Variants in LRG1 observed in about 807,000 individuals in gnomAD.
LRG1 encodes leucine rich alpha-2-glycoprotein 1.
In LRG1, 1 loss-of-function variant was observed where a neutral mutation model predicts 2.4. That is an observed-to-expected ratio of 0.41 (90% CI 0.15 to 1.95). LRG1 has a LOEUF of 1.95. Among genes scored for constraint, LRG1 ranks in the 30% most tolerant of loss-of-function variants. The probability of loss-of-function intolerance (pLI) is 0.30; values close to 1 mark genes in which losing one functional copy is unlikely to be tolerated. For synonymous variants in LRG1, 226 were observed against 210.6 expected, an observed-to-expected ratio of 1.07 and a Z score of -0.63; for missense variants, 425 against 436.9, an observed-to-expected ratio of 0.97 and a Z score of 0.24.
intron 1 of LRG1, 90 bp from the exon 2 acceptor site, chr19:4,539,041 C>T: frequency 7.7e-7 from 1 of 1,292,300 alleles, no homozygotes; most frequent in African/African-American, 1.5e-5. Flanking sequence ...CCCACTTCTT[C>T]CCATCTCTGC....
At chr19:4,539,878 C>T in intron 1 of LRG1, 104 bp downstream of exon 1, 3 of 1,338,904 alleles carry the variant, frequency 2.2e-6, no homozygotes, top group Non-Finnish European at 3.2e-6. Flanking sequence ...AGCCACCAGG[C>T]CTGTATCTGC....
In LRG1 at chr19:4,538,446, G is replaced by A. The variant is rs754014243; in HGVS notation, c.538C>T (p.Pro180Ser). 3.7e-6 allele frequency: 6 copies of A among 1,614,080 alleles called. No homozygotes were observed. The highest frequency in any genetic ancestry group is 2.2e-5 in the East Asian group (1 of 44,872). The part of the protein sequence containing the change: ...DLSGNRLRKL[P>S]PGLLANFTLL... ...GTGAAGTTGGCCAGCAGCCCGGGGG[G>A]CAGTTTCCGGAGGCGGTTCCCAGAC... Residue 180 changes from proline to serine, a missense_variant, in exon 2 of 2, where the codon CCC becomes TCC. Coordinates refer to ENST00000306390, the MANE Select transcript of LRG1 (RefSeq NM_052972.3).
rs776752960 is a variant in LRG1, at chr19:4,538,605, C to T, written c.379G>A (p.Ala127Thr). 29 of 1,612,844 alleles carry T rather than the reference C, an allele frequency of 1.8e-5. No individual in the cohort carries two copies. The highest frequency in any genetic ancestry group is 3.3e-5 in the Admixed American group (2 of 59,994). ...AGGCCCGGGGGCAGCCCGGTCAGGGCGTTTCGGGTTAGATCCAGCACCCTC... is the reference window on the plus strand; with the variant it reads ...AGGCCCGGGGGCAGCCCGGTCAGGGTGTTTCGGGTTAGATCCAGCACCCTC... ...QLRVLDLTRN[A>T]LTGLPPGLFQ... The change falls in exon 2 of 2, where the codon GCC (alanine) becomes ACC (threonine). Residue 127 changes from alanine to threonine, a missense_variant. Transcript: ENST00000306390.
rs1976961764 is a variant in LRG1 at position 4,537,815 on chromosome 19, C to T, written c.*125G>A. 1 of 1,086,944 alleles carries T rather than the reference C, an allele frequency of 9.2e-7. No individual in the cohort carries two copies. The highest frequency in any genetic ancestry group is 2.8e-5 in the Admixed American group (1 of 35,802). 67.3% of individuals were successfully genotyped at this position (1,086,944 alleles called of 1,614,324 possible). ...ATCTCCTGACCTCGTGATCCGCCCACCTGGGCCTCCCAAAGTGCTGGGATT... is the reference window on the plus strand; with the variant it reads ...ATCTCCTGACCTCGTGATCCGCCCATCTGGGCCTCCCAAAGTGCTGGGATT... On this transcript the variant is annotated 3_prime_UTR_variant, in exon 2 of 2. Coordinates refer to ENST00000306390, the MANE Select transcript of LRG1 (RefSeq NM_052972.3).
chr19:4,537,530 C>T lies in LRG1; in HGVS notation c.*410G>A, dbSNP rs1976958348. ...GGGTCCCAGCCGCTATGGACAGCCCCGAGTTTCACCTGTAAAAGGCAGGAT... is the reference window on the plus strand; with the variant it reads ...GGGTCCCAGCCGCTATGGACAGCCCTGAGTTTCACCTGTAAAAGGCAGGAT... On this transcript the variant is annotated 3_prime_UTR_variant, in exon 2 of 2. Coordinates refer to ENST00000306390, the MANE Select transcript of LRG1 (RefSeq NM_052972.3). The T allele has an allele frequency of 5.6e-6, 1 of 178,986 alleles. No individual in the cohort carries two copies. Among genetic ancestry groups the T allele is most frequent in the Non-Finnish European group, 1.2e-5 (1 of 83,190 alleles). 11.1% of individuals were successfully genotyped at this position (178,986 alleles called of 1,614,324 possible).
intron 1 of LRG1, 85 bp from the exon 2 acceptor site, chr19:4,539,036 T>C: frequency 7.5e-7 from 1 of 1,328,300 alleles, no homozygotes. Flanking sequence ...ATCCGCCCAC[T>C]TCTTCCCATC....
rs1437118013 is a variant in LRG1 at position 4,538,719 on chromosome 19, G to A, written c.265C>T (p.Gln89Ter). ...NLTHLPANLL[Q>*]GASKLQELHL... Reference sequence around the variant, plus strand: ...AATTCTTGGAGCTTAGAGGCGCCCTGGAGGAGGTTGGCTGGCAGGTGGGTC... The same window carrying A: ...AATTCTTGGAGCTTAGAGGCGCCCTAGAGGAGGTTGGCTGGCAGGTGGGTC... The change falls in exon 2 of 2, where the codon CAG becomes TAG. Residue 89 changes from glutamine to a stop codon, truncating the protein, a stop_gained. Transcript: ENST00000306390. LOFTEE classifies it low-confidence loss of function (END_TRUNC). 6.2e-7 allele frequency: 1 copy of A among 1,604,498 alleles called. No individual in the cohort carries two copies. The highest frequency in any genetic ancestry group is 1.3e-5 in the African/African-American group (1 of 74,780).
intron 1 of LRG1, 136 bp from the exon 2 acceptor site, chr19:4,539,087 C>A: frequency 1.2e-6 from 1 of 805,182 alleles, no homozygotes; most frequent in Non-Finnish European, 1.8e-6. Flanking sequence ...TCATCTCTCA[C>A]CTGTACTAGG....
In LRG1 at chr19:4,538,864, G is replaced by C. The variant is rs943846037; in HGVS notation, c.120C>G (p.Pro40=). 4 of 1,548,358 alleles carry C rather than the reference G, an allele frequency of 2.6e-6. No homozygotes were observed. The African/African-American group carries it at 5.5e-5, about 21-fold the overall frequency. ...CTGAGCGGAACACCTGGCAGTCTTT[G>C]GGGCTCAGGGTGACCCCCCAGGCTG... ...AASAWGVTLS[P]KDCQVFRSDH... The change falls in exon 2 of 2, where the codon CCC becomes CCG. Residue 40 remains proline, a synonymous_variant. Coordinates refer to ENST00000306390, the MANE Select transcript of LRG1 (RefSeq NM_052972.3).
chr19:4,539,984 T>A lies in LRG1; in HGVS notation c.30A>T (p.Lys10Asn). 1 of 1,614,176 alleles carries A rather than the reference T, an allele frequency of 6.2e-7. No individual in the cohort carries two copies. The highest frequency in any genetic ancestry group is 8.5e-7 in the Non-Finnish European group (1 of 1,180,006). The change falls in exon 1 of 2, where the codon AAA becomes AAT. Residue 10 changes from lysine to asparagine, a missense_variant and splice_region_variant. Physicochemically the swap from Lys to Asn is moderately conservative, Grantham distance 94. Transcript: ENST00000306390. ...GGACAGGTAGTGTGGGGACCTACCT[T>A]TTTGGTCGCTGTCTGCTCCAAGAGG... MSSWSRQRP[K>N]SPGGIQPHVS...
At position 4,538,251 on chromosome 19, in the gene LRG1, C is replaced by G. The variant is rs760661098; in HGVS notation, c.733G>C (p.Gly245Arg). The G allele has an allele frequency of 2.0e-5, 32 of 1,613,968 alleles. No homozygotes were observed. Among genetic ancestry groups the G allele is most frequent in the Middle Eastern group, 1.6e-4 (1 of 6,082 alleles). ...GCTGCCACCCTGGCCAGCTTGTTGC[C>G]GTTCAGGAAGAGGTAGCGCAGGTCC... ...QPDLRYLFLN[G>R]NKLARVAAGA... The change falls in exon 2 of 2, where the codon GGC becomes CGC. Residue 245 changes from glycine (G) to arginine (R), a missense_variant. Gly to Arg is a moderately radical substitution (Grantham distance 125). Coordinates refer to ENST00000306390, the MANE Select transcript of LRG1 (RefSeq NM_052972.3).
Position 4,540,023 on chromosome 19 carries a change from G to A in LRG1, c.-10C>T, listed in dbSNP as rs922834973. On this transcript the variant is annotated 5_prime_UTR_variant, in exon 1 of 2. Transcript: ENST00000306390. ...TGCTCCAAGAGGACATGGTAGCTCT[G>A]CTCTTTTGCTTCTGGGTTGTCCTGG... 6 of 1,614,070 alleles carry A rather than the reference G, an allele frequency of 3.7e-6. No homozygotes were observed. Among genetic ancestry groups the A allele is most frequent in the Non-Finnish European group, 5.1e-6 (6 of 1,179,994 alleles).
chr19:4,539,466 G>A (rs1282588801), intron 1 of LRG1, among the ~76,000 whole-genome samples: 1 of 152,228 alleles, frequency 6.6e-6, no homozygotes, highest in Non-Finnish European at 1.5e-5. Flanking sequence ...TTGGGTGCTT[G>A]GAGGAAGACA....
At position 4,538,412 on chromosome 19, in the gene LRG1, C is replaced by T. The variant is rs754452460; in HGVS notation, c.572G>A (p.Arg191His). The T allele has an allele frequency of 3.3e-5, 54 of 1,613,990 alleles. No homozygotes were observed. Among genetic ancestry groups the T allele is most frequent in the East Asian group, 2.2e-4 (10 of 44,890 alleles). The change falls in exon 2 of 2, where the codon CGC (arginine) becomes CAC (histidine). Residue 191 changes from arginine to histidine, a missense_variant. Coordinates refer to ENST00000306390, the MANE Select transcript of LRG1 (RefSeq NM_052972.3). ...PGLLANFTLL[R>H]TLDLGENQLE... ...CTGGTTCTCCCCAAGGTCAAGGGTG[C>T]GCAGGAGGGTGAAGTTGGCCAGCAG...
At chr19:4,539,849 G>T in intron 1 of LRG1, 133 bp downstream of exon 1, 1 of 1,039,190 alleles carries the variant, frequency 9.6e-7, no homozygotes, top group Non-Finnish European at 1.5e-6. Context: ...TTCTGTCACA[G>T]ATAAGGTTGA....
At position 4,537,300 on chromosome 19, in the gene LRG1, G is replaced by A. The variant is rs1243959507; in HGVS notation, c.*640C>T. ...CAGCATCAGACCCTGCACTCAGAGA[G>A]CCCCCTGACTTGGGGAAGACAGAGT... On this transcript the variant is annotated 3_prime_UTR_variant, in exon 2 of 2. Transcript: ENST00000306390. The A allele has an allele frequency of 6.6e-6, 1 of 152,488 alleles. No homozygotes were observed. The highest frequency in any genetic ancestry group is 1.5e-5 in the Non-Finnish European group (1 of 68,278). 9.4% of individuals were successfully genotyped at this position (152,488 alleles called of 1,614,324 possible).
At position 4,538,275 on chromosome 19, in the gene LRG1, C is replaced by A; in HGVS notation, c.709G>T (p.Asp237Tyr). The A allele has an allele frequency of 6.2e-7, 1 of 1,614,204 alleles. No individual in the cohort carries two copies. The highest frequency in any genetic ancestry group is 8.5e-7 in the Non-Finnish European group (1 of 1,180,038). The change falls in exon 2 of 2, where the codon GAC becomes TAC. Residue 237 changes from aspartate to tyrosine, a missense_variant. Transcript: ENST00000306390. ...LGKDLLLPQP[D>Y]LRYLFLNGNK... ...CCGTTCAGGAAGAGGTAGCGCAGGT[C>A]CGGCTGCGGCAAGAGGAGATCTTTT...
At position 4,538,101 on chromosome 19, in the gene LRG1, C is replaced by A. The variant is rs778270480; in HGVS notation, c.883G>T (p.Asp295Tyr). The A allele has an allele frequency of 1.2e-6, 2 of 1,614,052 alleles. No homozygotes were observed. The highest frequency in any genetic ancestry group is 1.7e-6 in the Non-Finnish European group (2 of 1,180,034). ...CAGATCCAGGGGTTGCCGGAGATGT[C>A]GAAGCCATCCCGCATGTCCCAGTTT... Reference protein sequence around the residue: ...QPNWDMRDGFDISGNPWICDQ... With the variant: ...QPNWDMRDGFYISGNPWICDQ... Residue 295 changes from aspartate (D) to tyrosine (Y), a missense_variant, in exon 2 of 2, where the codon GAC becomes TAC. Asp to Tyr is a radical substitution (Grantham distance 160). Transcript: ENST00000306390.
intron 1 of LRG1, among the ~76,000 whole-genome samples, chr19:4,539,363 T>C (rs1976986949): frequency 6.6e-6 from 1 of 152,242 alleles, no homozygotes. Context: ...TGTGAACTCC[T>C]ATTCATCCTT....
Sources: gnomAD v4.1 joint callset for allele counts (sites outside exome capture counted in the v4.1 genomes callset) on GRCh38, gnomAD v4.1.1 for gene constraint, MANE v1.5 for transcripts, NCBI Gene and HGNC (gene_info 2026-07-23, HGNC 2026-07-21) for gene names.